ZHX3: variants seen among roughly 807,000 people sequenced by gnomAD.
ZHX3 encodes the protein zinc fingers and homeoboxes protein 3.
In ZHX3, 20 loss-of-function variants were observed where a neutral mutation model predicts 64.5. The ratio of observed to expected loss-of-function variants is 0.31; its 90% CI spans 0.22 to 0.45. ZHX3 has a LOEUF of 0.45. Among genes scored for constraint, ZHX3 ranks in the 20% least tolerant of loss-of-function variants. ZHX3 has a pLI of 1.00. For synonymous variants in ZHX3, 423 were observed against 461.6 expected (o/e 0.92, Z 1.07); for missense variants, 1,041 against 1,195.8 (o/e 0.87, Z 1.91).
At position 41,185,462 on chromosome 20, in the gene ZHX3, G is replaced by A. The variant is rs2036440455; in HGVS notation, c.2861-261C>T. The A allele has an allele frequency of 1.7e-6, 1 of 577,820 alleles. No individual in the cohort carries two copies. Among genetic ancestry groups the A allele is most frequent in the Non-Finnish European group, 3.0e-6 (1 of 328,168 alleles). The allele number at this position is 577,820 out of a possible 1,614,324, so 35.8% of individuals were successfully genotyped here. Reference sequence around the variant, plus strand: ...CTAAACCCTAGGCCTAGCAGCAGGAGCAGTGGTTTGGCCTCTCCAGGCCCA... The same window carrying A: ...CTAAACCCTAGGCCTAGCAGCAGGAACAGTGGTTTGGCCTCTCCAGGCCCA... On this transcript the variant is annotated intron_variant, in intron 3 of 3. Transcript: ENST00000683867. This position sits in a 1 kb window ranked among gnomAD's most constrained non-coding sequence, Gnocchi z 5.0.
chr20:41,246,878 A>G (rs936824973), intron 2 of ZHX3, among the ~76,000 whole-genome samples: 3 of 114,254 alleles, frequency 2.6e-5, no homozygotes, highest in African/African-American at 1.2e-4. Flanking sequence ...ATCTGAAAAA[A>G]AAAAACCAAA....
intron 2 of ZHX3, 58 bp from the exon 3 acceptor site, chr20:41,205,124 C>T (rs1195670824): frequency 5.6e-5 from 46 of 815,490 alleles, no homozygotes; most frequent in Non-Finnish European, 6.9e-5. Context: ...GTATATTTCT[C>T]GGATACCCAG....
chr20:41,197,811 T>A (rs2037868225), intron 3 of ZHX3, among the ~76,000 whole-genome samples: 1 of 152,198 alleles, frequency 6.6e-6, no homozygotes, highest in South Asian at 2.1e-4. Flanking sequence ...GTTTTTACAA[T>A]GCACTAATTT....
At chr20:41,300,021 T>G (rs1332261609) in intron 1 of ZHX3, 1 of 152,042 alleles carries the variant, frequency 6.6e-6, no homozygotes, top group African/African-American at 2.4e-5. Flanking sequence ...CCACAATGAG[T>G]TGGGTAGCAG....
At chr20:41,260,049 G>A (rs888168295) in intron 2 of ZHX3, among the ~76,000 whole-genome samples, 1 of 151,790 alleles carries the variant, frequency 6.6e-6, no homozygotes, top group Non-Finnish European at 1.5e-5. Flanking sequence ...AGTTAAATGA[G>A]AAAAACCTAA....
intron 2 of ZHX3, among the ~76,000 whole-genome samples, chr20:41,206,465 T>C (rs1217805745): frequency 6.6e-6 from 1 of 152,152 alleles, no homozygotes; most frequent in Admixed American, 6.5e-5. Flanking sequence ...TTAAATGACC[T>C]GATAGAGCTG....
At chr20:41,233,137 G>A (rs1171523211) in intron 2 of ZHX3, among the ~76,000 whole-genome samples, 1 of 152,202 alleles carries the variant, frequency 6.6e-6, no homozygotes, top group African/African-American at 2.4e-5. Flanking sequence ...TTCAGACTCT[G>A]ATACAACTAG....
In ZHX3 at chr20:41,224,832, TG is replaced by T. The variant is rs1420314055; in HGVS notation, c.-150-19767del. On this transcript the variant is annotated intron_variant, in intron 2 of 3. Transcript: ENST00000683867. This position sits in a 1 kb window ranked among gnomAD's most constrained non-coding sequence, Gnocchi z 5.2. ...TCTGAACATCCTATCTAAATGTCTT[TG>T]GGGGCTCCCCCAAATCCAAGCTGAA... 6.6e-6 allele frequency among the ~76,000 whole-genome samples: 1 copy of T among 152,254 alleles called. No homozygotes were observed. The highest frequency in any genetic ancestry group is 6.5e-5 in the Admixed American group (1 of 15,294).
rs1301155718 is a variant in ZHX3, at chr20:41,249,675, GATGA to G, written c.-151+19311_-151+19314del. ...TTTAAAACAATCTTAGCATCCAAAA[GATGA>G]ATGGTTAAATAGAACCCTGTCACCG... is the stretch of plus-strand genomic sequence containing the variant. On this transcript the variant is annotated intron_variant, in intron 2 of 3. Transcript: ENST00000683867. Among the ~76,000 whole-genome samples, 3 of 152,136 alleles carry G rather than the reference GATGA, an allele frequency of 2.0e-5. No individual in the cohort carries two copies. The East Asian group carries it at 5.8e-4, about 29-fold the overall frequency.
chr20:41,249,329 AAAC>A (rs1040936441), intron 2 of ZHX3, among the ~76,000 whole-genome samples: 1 of 152,224 alleles, frequency 6.6e-6, no homozygotes, highest in African/African-American at 2.4e-5. Context: ...GCCAAAAGGG[AAAC>A]AACATTGACC....
At chr20:41,269,835 A>T (rs1184675995) in intron 1 of ZHX3, among the ~76,000 whole-genome samples, 1 of 151,824 alleles carries the variant, frequency 6.6e-6, no homozygotes, top group Non-Finnish European at 1.5e-5. Flanking sequence ...TCATGACTAG[A>T]GCATCATGAC....
intron 1 of ZHX3, among the ~76,000 whole-genome samples, chr20:41,292,347 G>A (rs544971450): frequency 1.3e-5 from 2 of 152,180 alleles, no homozygotes; most frequent in Non-Finnish European, 2.9e-5. Flanking sequence ...GTCACAATGA[G>A]CTCTACAAAA....
intron 1 of ZHX3, among the ~76,000 whole-genome samples, chr20:41,292,762 TA>T (rs1188174377): frequency 6.6e-6 from 1 of 152,232 alleles, no homozygotes; most frequent in Non-Finnish European, 1.5e-5. Flanking sequence ...AGCCAATGCT[TA>T]AAAAACTGTT....
In ZHX3 at chr20:41,202,676, A is replaced by T. The variant is rs1384331506; in HGVS notation, c.2241T>A (p.Gly747=). 1 of 1,614,024 alleles carries T rather than the reference A, an allele frequency of 6.2e-7. No individual in the cohort carries two copies. Among genetic ancestry groups the T allele is most frequent in the Non-Finnish European group, 8.5e-7 (1 of 1,179,992 alleles). The change falls in exon 3 of 4, where the codon GGT becomes GGA. Residue 747 remains glycine (G), a synonymous_variant. Coordinates refer to ENST00000683867, the MANE Select transcript of ZHX3 (RefSeq NM_001384317.1). This position sits in a 1 kb window ranked among gnomAD's most constrained non-coding sequence, Gnocchi z 7.0. ...ACTCATCATCCTCAGGGTCACAGGC[A>T]CCCAGCCCTGGAATCTCGTTCCTGC... The part of the protein sequence containing the change: ...ANGRNEIPGL[G]ACDPEDDESN...
At chr20:41,191,400 T>C (rs2037007013) in intron 3 of ZHX3, among the ~76,000 whole-genome samples, 2 of 152,192 alleles carry the variant, frequency 1.3e-5, no homozygotes, top group African/African-American at 4.8e-5. Context: ...TTGATAAAAT[T>C]ATCATTCATT....
rs551616943 is a variant in ZHX3 at position 41,200,178 on chromosome 20, A to G, written c.2860+1879T>C. Among the ~76,000 whole-genome samples the G allele has an allele frequency of 2.2e-4, 33 of 152,336 alleles. No homozygotes were observed. Among genetic ancestry groups the G allele is most frequent in the Non-Finnish European group, 4.0e-4 (27 of 68,024 alleles). ...CTTCCCTGGATGTTGCAAGTGTTCA[A>G]CTAGACTTCTGAGTCCCAAAACAGT... On this transcript the variant is annotated intron_variant, in intron 3 of 3. Transcript: ENST00000683867. This position sits in a 1 kb window ranked among gnomAD's most constrained non-coding sequence, Gnocchi z 4.2.
chr20:41,286,580 T>C (rs1252082492), intron 1 of ZHX3, among the ~76,000 whole-genome samples: 2 of 152,214 alleles, frequency 1.3e-5, no homozygotes, highest in Non-Finnish European at 2.9e-5. Context: ...TTATCTCTGC[T>C]CAAAACCCTC....
intron 1 of ZHX3, among the ~76,000 whole-genome samples, chr20:41,285,911 GC>G (rs2043913644): frequency 6.6e-6 from 1 of 152,170 alleles, no homozygotes; most frequent in African/African-American, 2.4e-5. Context: ...AGCATAGTAT[GC>G]CTAGTACAGA....
At chr20:41,188,021 A>G (rs1180227324) in intron 3 of ZHX3, among the ~76,000 whole-genome samples, 1 of 152,102 alleles carries the variant, frequency 6.6e-6, no homozygotes, top group African/African-American at 2.4e-5. Flanking sequence ...TGTTTCTTCT[A>G]TCTACTATAA....
Sources: gnomAD v4.1 joint callset for allele counts (sites outside exome capture counted in the v4.1 genomes callset) on GRCh38, gnomAD v4.1.1 for gene constraint, Gnocchi (gnomAD v3.1) non-coding constraint, MANE v1.5 for transcripts, NCBI Gene and HGNC (gene_info 2026-07-23, HGNC 2026-07-21) for gene names.